Variants in AHNAK observed in about 807,000 individuals in gnomAD.
AHNAK encodes neuroblast differentiation-associated protein AHNAK.
A neutral mutation model predicts 37.8 loss-of-function variants in AHNAK; 23 were observed. The observed-to-expected ratio is 0.61, with a 90% CI of 0.44 to 0.86. The LOEUF is 0.86. AHNAK is among the 40% of genes least tolerant of loss of function. The pLI is 0.00. For synonymous variants in AHNAK, 2,481 were observed against 2,636.3 expected (o/e 0.94, Z 1.80); for missense variants, 7,411 against 7,319.4 (o/e 1.01, Z -0.46).
At position 62,525,493 on chromosome 11, in the gene AHNAK, G is replaced by A. The variant is rs749859315; in HGVS notation, c.8924C>T (p.Pro2975Leu). The change falls in exon 5 of 5, where the codon CCC (proline) becomes CTC (leucine). Residue 2975 changes from proline to leucine, a missense_variant. Physicochemically the swap from Pro to Leu is moderately conservative, Grantham distance 98. Coordinates refer to ENST00000378024, the MANE Select transcript of AHNAK (RefSeq NM_001620.3). ...MPDFDLHLKGPKVKGDVDISL... is the reference protein window; with the variant it reads ...MPDFDLHLKGLKVKGDVDISL... Reference sequence around the variant, plus strand: ...AATATCCACATCGCCCTTCACCTTGGGACCTTTCAGATGCAAATCAAAGTC... The same window carrying A: ...AATATCCACATCGCCCTTCACCTTGAGACCTTTCAGATGCAAATCAAAGTC... 1.9e-6 allele frequency: 3 copies of A among 1,613,248 alleles called. No homozygotes were observed. Among genetic ancestry groups the A allele is most frequent in the South Asian group, 2.2e-5 (2 of 91,030 alleles).
At chr11:62,465,767 G>A (rs1565203581) in intron 5 of AHNAK, among the ~76,000 whole-genome samples, 1 of 152,074 alleles carries the variant, frequency 6.6e-6, no homozygotes, top group Non-Finnish European at 1.5e-5. Flanking sequence ...TGGAGATGGG[G>A]GCAGAAATTG....
chr11:62,526,331 T>C lies in AHNAK; in HGVS notation c.8086A>G (p.Lys2696Glu), dbSNP rs2134219558. 3.1e-6 allele frequency: 5 copies of C among 1,613,226 alleles called. No homozygotes were observed. The highest frequency in any genetic ancestry group is 1.7e-4 in the Middle Eastern group (1 of 6,060). The change falls in exon 5 of 5, where the codon AAG becomes GAG. Residue 2696 changes from lysine to glutamate, a missense_variant. By Grantham distance (56) the Lys-to-Glu change is moderately conservative (BLOSUM62 1). Transcript: ENST00000378024. ...GCTTTGATATTCATCTCTGGCATCT[T>C]GAACTTAGGCCCTTTCAACTTTCCC... ...PEGKLKGPKF[K>E]MPEMNIKAPK...
intron 4 of AHNAK, among the ~76,000 whole-genome samples, chr11:62,494,826 C>T (rs1939576916): frequency 6.6e-6 from 1 of 151,954 alleles, no homozygotes; most frequent in Non-Finnish European, 1.5e-5. Context: ...GCCTGACCAA[C>T]ATGGTCTCTA....
chr11:62,495,587 A>AAAC (rs397977428), intron 4 of AHNAK, among the ~76,000 whole-genome samples: 19 of 151,144 alleles, frequency 1.3e-4, no homozygotes, highest in South Asian at 2.1e-4. Context: ...AAAAAAAAAA[A>AAAC]CATTAGCTGG....
chr11:62,504,426 C>G (rs530427612), intron 4 of AHNAK, among the ~76,000 whole-genome samples: 2 of 152,004 alleles, frequency 1.3e-5, no homozygotes, highest in Non-Finnish European at 2.9e-5. Context: ...TTAGACAATC[C>G]GCACTGGCTG....
Position 62,526,495 on chromosome 11 carries a change from A to G in AHNAK, c.7922T>C (p.Val2641Ala). 1.2e-6 allele frequency: 2 copies of G among 1,612,022 alleles called. No individual in the cohort carries two copies. Among genetic ancestry groups the G allele is most frequent in the Non-Finnish European group, 1.7e-6 (2 of 1,179,470 alleles). The change falls in exon 5 of 5, where the codon GTG (valine) becomes GCG (alanine). Residue 2641 changes from valine to alanine, a missense_variant. By Grantham distance (64) the Val-to-Ala change is moderately conservative (BLOSUM62 0). Transcript: ENST00000378024. ...GPDWHLKMPK[V>A]KMPKFSMPGF... is the part of the protein sequence containing the mutation. ...AGGCATGCTGAACTTTGGCATTTTC[A>G]CCTTGGGCATCTTCAGGTGCCAGTC...
At chr11:62,496,875 G>C (rs1215249023) in intron 4 of AHNAK, among the ~76,000 whole-genome samples, 1 of 143,680 alleles carries the variant, frequency 7.0e-6, no homozygotes, top group Non-Finnish European at 1.5e-5. Context: ...GAAGAAGGGA[G>C]GGAGGGAAGG....
chr11:62,489,794 T>C (rs1012187943), intron 5 of AHNAK, among the ~76,000 whole-genome samples: 4 of 151,678 alleles, frequency 2.6e-5, no homozygotes, highest in African/African-American at 9.7e-5. Context: ...CAAAAACCCA[T>C]GACAGGTCCT....
At chr11:62,470,386 C>A (rs1029563362) in intron 5 of AHNAK, among the ~76,000 whole-genome samples, 2 of 151,680 alleles carry the variant, frequency 1.3e-5, no homozygotes, top group South Asian at 2.1e-4. Flanking sequence ...GTGGAGGTTG[C>A]AGTGAGCTAA....
At chr11:62,435,469 G>A (rs921403470) in intron 5 of AHNAK, among the ~76,000 whole-genome samples, 1 of 151,874 alleles carries the variant, frequency 6.6e-6, no homozygotes, top group Non-Finnish European at 1.5e-5. Flanking sequence ...GGAATGCAGT[G>A]GCGCGATCTT....
At position 62,531,405 on chromosome 11, in the gene AHNAK, G is replaced by A; in HGVS notation, c.3012C>T (p.Pro1004=). The A allele has an allele frequency of 6.2e-7, 1 of 1,614,150 alleles. No homozygotes were observed. Among genetic ancestry groups the A allele is most frequent in the Non-Finnish European group, 8.5e-7 (1 of 1,180,028 alleles). The change falls in exon 5 of 5, where the codon CCC becomes CCT. Residue 1004 remains proline, a synonymous_variant. Coordinates refer to ENST00000378024, the MANE Select transcript of AHNAK (RefSeq NM_001620.3). The part of the protein sequence containing the change: ...WNLKMPKIKM[P]KFSMPSLKGE... Reference sequence around the variant, plus strand: ...CTTTGAGGCTGGGCATGCTAAATTTGGGCATTTTAATCTTTGGCATCTTCA... The same window carrying A: ...CTTTGAGGCTGGGCATGCTAAATTTAGGCATTTTAATCTTTGGCATCTTCA...
At chr11:62,442,017 C>T (rs1335082481) in intron 5 of AHNAK, among the ~76,000 whole-genome samples, 1 of 152,096 alleles carries the variant, frequency 6.6e-6, no homozygotes, top group Admixed American at 6.6e-5. Context: ...CATCAAGCTC[C>T]CCTGCAACAT....
intron 1 of AHNAK, among the ~76,000 whole-genome samples, chr11:62,539,460 G>C (rs1941056943): frequency 7.4e-6 from 1 of 134,566 alleles, no homozygotes; most frequent in Admixed American, 7.5e-5. Flanking sequence ...GCCCCAGTGA[G>C]TCACTGCAGC....
At position 62,523,376 on chromosome 11, in the gene AHNAK, T is replaced by C. The variant is rs778355573; in HGVS notation, c.11041A>G (p.Lys3681Glu). The C allele has an allele frequency of 2.1e-5, 34 of 1,612,996 alleles. No individual in the cohort carries two copies. Among genetic ancestry groups the C allele is most frequent in the Non-Finnish European group, 2.8e-5 (33 of 1,179,666 alleles). The change falls in exon 5 of 5, where the codon AAG becomes GAG. Residue 3681 changes from lysine to glutamate, a missense_variant. Physicochemically the swap from Lys to Glu is moderately conservative, Grantham distance 56. Transcript: ENST00000378024. ...ISMPDFDLNL[K>E]GPKMKGDVVV... ...ACATCACCCTTCATTTTGGGTCCCTTCAAGTTCAGGTCAAAGTCAGGCATG... is the reference window on the plus strand; with the variant it reads ...ACATCACCCTTCATTTTGGGTCCCTCCAAGTTCAGGTCAAAGTCAGGCATG...
Position 62,521,748 on chromosome 11 carries a change from C to A in AHNAK, c.12669G>T (p.Lys4223Asn), listed in dbSNP as rs745528072. The change falls in exon 5 of 5, where the codon AAG (lysine) becomes AAT (asparagine). Residue 4223 changes from lysine to asparagine, a missense_variant. Transcript: ENST00000378024. ...PKADLDVSGP[K>N]VDIDVPDVNI... ...TCACATCAGGAACATCAATGTCCAC[C>A]TTGGGTCCTGAGACGTCAAGGTCAG... 3.7e-6 allele frequency: 6 copies of A among 1,613,138 alleles called. No individual in the cohort carries two copies. Among genetic ancestry groups the A allele is most frequent in the Admixed American group, 1.7e-5 (1 of 59,918 alleles).
At chr11:62,506,684 G>C (rs1344010461) in intron 4 of AHNAK, among the ~76,000 whole-genome samples, 1 of 152,190 alleles carries the variant, frequency 6.6e-6, no homozygotes, top group African/African-American at 2.4e-5. Context: ...TGTGTGGGCC[G>C]GGTGGTCTGG....
intron 1 of AHNAK, among the ~76,000 whole-genome samples, chr11:62,542,257 C>T (rs1411544771): frequency 1.3e-5 from 2 of 152,022 alleles, no homozygotes; most frequent in Admixed American, 1.3e-4. Context: ...GACAGTTGTC[C>T]TGCAGGTCCC....
chr11:62,508,899 A>G (rs1448740766), intron 4 of AHNAK, among the ~76,000 whole-genome samples: 1 of 152,268 alleles, frequency 6.6e-6, no homozygotes, highest in Non-Finnish European at 1.5e-5. Flanking sequence ...TAAGCATGCC[A>G]CCAACCCCTT....
At position 62,524,622 on chromosome 11, in the gene AHNAK, T is replaced by C. The variant is rs1195489137; in HGVS notation, c.9795A>G (p.Pro3265=). ...CATCTGGGCCATGAATGTCAATATC[T>C]GGAGCATCTACATCTATCTTTGGGC... ...IKGPKIDVDA[P]DIDIHGPDAK... Residue 3265 remains proline (P), a synonymous_variant, in exon 5 of 5, where the codon CCA becomes CCG. Coordinates refer to ENST00000378024, the MANE Select transcript of AHNAK (RefSeq NM_001620.3). 6.2e-7 allele frequency: 1 copy of C among 1,614,090 alleles called. No homozygotes were observed. Among genetic ancestry groups the C allele is most frequent in the Non-Finnish European group, 8.5e-7 (1 of 1,180,040 alleles).
Sources: allele counts gnomAD v4.1 joint callset (sites outside exome capture counted in the v4.1 genomes callset), GRCh38; gene constraint gnomAD v4.1.1; transcripts MANE v1.5; gene names NCBI Gene and HGNC (gene_info 2026-07-23, HGNC 2026-07-21).